The following MAD1L1 variants were observed in gnomAD, a reference collection of about 807,000 sequenced individuals.
MAD1L1 encodes mitotic spindle assembly checkpoint protein MAD1.
In MAD1L1, 95 loss-of-function variants were observed where a neutral mutation model predicts 96.9. The observed-to-expected ratio is 0.98, with a 90% CI of 0.83 to 1.16. The LOEUF is 1.16. Ranked by LOEUF, MAD1L1 falls within the 50% of genes most tolerant of loss-of-function variation. MAD1L1 has a pLI of 0.00. For missense variants in MAD1L1, 1,007 were observed against 954.4 expected, an observed-to-expected ratio of 1.06 and a Z score of -0.73; for synonymous variants, 473 against 396.6, an observed-to-expected ratio of 1.19 and a Z score of -2.29.
intron 16 of MAD1L1, among the ~76,000 whole-genome samples, chr7:1,943,825 T>C (rs929783322): frequency 6.6e-6 from 1 of 151,796 alleles, no homozygotes; most frequent in African/African-American, 2.4e-5. Flanking sequence ...GCGGAAACCA[T>C]CCAGATGTCC....
chr7:2,177,995 G>A (rs549465989), intron 10 of MAD1L1, among the ~76,000 whole-genome samples: 1 of 152,276 alleles, frequency 6.6e-6, no homozygotes, highest in African/African-American at 2.4e-5. Context: ...AGAAGCAATG[G>A]TTTCATGAGT....
chr7:2,169,622 A>C (rs1385294600), intron 10 of MAD1L1, among the ~76,000 whole-genome samples: 1 of 152,230 alleles, frequency 6.6e-6, no homozygotes. Context: ...GGTCAGGTGC[A>C]TGGAGTTTAA....
rs557556417 is a variant in MAD1L1, at chr7:1,839,927, C to T, written c.1999-23699G>A. Among the ~76,000 whole-genome samples, 7 of 152,354 alleles carry T rather than the reference C, an allele frequency of 4.6e-5. No individual in the cohort carries two copies. In the South Asian group the frequency reaches 1.4e-3, roughly 32 times the overall value. On this transcript the variant is annotated intron_variant, in intron 18 of 18. Transcript: ENST00000265854. Reference sequence around the variant, plus strand: ...ACCACCTAGGCATGGAGCACAGACCCTGCCTGGCCATCGGCCCCCCAATCC... The same window carrying T: ...ACCACCTAGGCATGGAGCACAGACCTTGCCTGGCCATCGGCCCCCCAATCC...
At chr7:2,110,100 A>G (rs1233873846) in intron 11 of MAD1L1, among the ~76,000 whole-genome samples, 2 of 152,244 alleles carry the variant, frequency 1.3e-5, no homozygotes, top group East Asian at 3.8e-4. Flanking sequence ...ATTAAACCAC[A>G]GCCGATTTTC....
At chr7:2,228,891 G>A (rs914672497) in intron 3 of MAD1L1, among the ~76,000 whole-genome samples, 4 of 151,748 alleles carry the variant, frequency 2.6e-5, no homozygotes, top group Non-Finnish European at 5.9e-5. Context: ...CAGGTGCCAC[G>A]CCCAGCTAAT....
intron 17 of MAD1L1, among the ~76,000 whole-genome samples, chr7:1,909,683 C>A (rs1787890843): frequency 6.6e-6 from 1 of 152,188 alleles, no homozygotes; most frequent in Non-Finnish European, 1.5e-5. Context: ...GAGGGGCTGG[C>A]AGGCATCATG....
intron 17 of MAD1L1, among the ~76,000 whole-genome samples, chr7:1,899,005 G>A (rs1254328570): frequency 2.6e-5 from 4 of 152,196 alleles, no homozygotes; most frequent in African/African-American, 7.2e-5. Flanking sequence ...GGGACGTTCC[G>A]GATCCTACTG....
intron 18 of MAD1L1, among the ~76,000 whole-genome samples, chr7:1,896,673 C>G (rs1020836925): frequency 1.3e-5 from 2 of 152,234 alleles, no homozygotes; most frequent in African/African-American, 4.8e-5. Context: ...TTGCTTCCCT[C>G]TTTTGGATTT....
chr7:2,159,960 G>C (rs892371323), intron 10 of MAD1L1, among the ~76,000 whole-genome samples: 23 of 152,300 alleles, frequency 1.5e-4, no homozygotes, highest in African/African-American at 5.3e-4. Context: ...AGGCGCAGTG[G>C]CTCATGCCTG....
At chr7:1,962,557 G>A (rs1055661993) in intron 15 of MAD1L1, among the ~76,000 whole-genome samples, 2 of 152,152 alleles carry the variant, frequency 1.3e-5, no homozygotes, top group African/African-American at 4.8e-5. Context: ...CAAATAATCT[G>A]ATAAAGGCCT....
At chr7:2,214,636 G>A (rs554714022) in intron 9 of MAD1L1, among the ~76,000 whole-genome samples, 28 of 152,334 alleles carry the variant, frequency 1.8e-4, no homozygotes, top group African/African-American at 5.8e-4. Flanking sequence ...CAGGGAAGTG[G>A]CATGAAGGAC....
At chr7:2,083,562 G>A (rs1278889571) in intron 11 of MAD1L1, among the ~76,000 whole-genome samples, 1 of 152,256 alleles carries the variant, frequency 6.6e-6, no homozygotes, top group Non-Finnish European at 1.5e-5. Context: ...GGGTCAGTGG[G>A]TGGAGGCCAG....
chr7:1,827,067 G>A (rs2128623898), intron 18 of MAD1L1, among the ~76,000 whole-genome samples: 1 of 152,374 alleles, frequency 6.6e-6, no homozygotes, highest in Admixed American at 6.5e-5. Context: ...GGGGAGCCGA[G>A]GGAGTGGGGG....
At chr7:1,995,158 G>A (rs1258850381) in intron 14 of MAD1L1, among the ~76,000 whole-genome samples, 1 of 152,214 alleles carries the variant, frequency 6.6e-6, no homozygotes, top group Non-Finnish European at 1.5e-5. Context: ...AGCAAAGGTT[G>A]CTCCATGTGA....
At chr7:1,923,488 C>T (rs539294386) in intron 17 of MAD1L1, among the ~76,000 whole-genome samples, 5 of 152,258 alleles carry the variant, frequency 3.3e-5, no homozygotes, top group East Asian at 1.9e-4. Flanking sequence ...CCCCGGCAGC[C>T]GGGCAACCCC....
At chr7:2,018,140 G>C (rs1782626322) in intron 12 of MAD1L1, among the ~76,000 whole-genome samples, 1 of 152,162 alleles carries the variant, frequency 6.6e-6, no homozygotes, top group South Asian at 2.1e-4. Context: ...TGCATGCCCA[G>C]GCCAGCCCCC....
At chr7:2,182,253 A>T (rs564263577) in intron 10 of MAD1L1, among the ~76,000 whole-genome samples, 2 of 152,280 alleles carry the variant, frequency 1.3e-5, no homozygotes, top group South Asian at 2.1e-4. Flanking sequence ...TATCCATCCA[A>T]TGAAAAATCA....
At chr7:2,006,339 G>T (rs887882176) in intron 13 of MAD1L1, among the ~76,000 whole-genome samples, 1 of 152,148 alleles carries the variant, frequency 6.6e-6, no homozygotes, top group South Asian at 2.1e-4. Context: ...TTGGGAGAAC[G>T]AAGGTGGCTG....
At chr7:1,926,589 A>AT (rs1188487045) in intron 17 of MAD1L1, among the ~76,000 whole-genome samples, 4 of 152,230 alleles carry the variant, frequency 2.6e-5, no homozygotes, top group African/African-American at 9.7e-5. Context: ...AAAAATCACA[A>AT]TGACACACTG....
Sources: allele counts gnomAD v4.1 joint callset (sites outside exome capture counted in the v4.1 genomes callset), GRCh38; gene constraint gnomAD v4.1.1; transcripts MANE v1.5; gene names NCBI Gene and HGNC (gene_info 2026-07-23, HGNC 2026-07-21).